Variants in ATP8A1 observed in about 807,000 individuals in gnomAD.
ATP8A1 encodes the protein phospholipid-transporting ATPase IA.
In ATP8A1, 90 loss-of-function variants were observed where a neutral mutation model predicts 177.7. The observed-to-expected ratio is 0.51, with a 90% CI of 0.43 to 0.60. The LOEUF (loss-of-function observed/expected upper bound fraction) is 0.60. ATP8A1 is among the 20% of genes least tolerant of loss of function. ATP8A1 has a pLI of 0.00. For synonymous variants in ATP8A1, 493 were observed against 485.9 expected, an observed-to-expected ratio of 1.01 and a Z score of -0.19; for missense variants, 1,072 against 1,392.8, an observed-to-expected ratio of 0.77 and a Z score of 3.67.
chr4:42,615,743 T>A (rs1736839944), intron 5 of ATP8A1, among the ~76,000 whole-genome samples: 1 of 152,246 alleles, frequency 6.6e-6, no homozygotes, highest in East Asian at 1.9e-4. Context: ...TTATAATATT[T>A]AACACTGTCA....
At chr4:42,419,044 CAAA>C (rs1476643605) in intron 35 of ATP8A1, among the ~76,000 whole-genome samples, 1 of 152,024 alleles carries the variant, frequency 6.6e-6, no homozygotes, top group Non-Finnish European at 1.5e-5. Context: ...CATTGTATGA[CAAA>C]AAAGTAAATG....
At chr4:42,504,900 G>A (rs1052625364) in intron 23 of ATP8A1, among the ~76,000 whole-genome samples, 1 of 152,140 alleles carries the variant, frequency 6.6e-6, no homozygotes, top group African/African-American at 2.4e-5. Flanking sequence ...TTATTTTTGT[G>A]CTGTTTCTCT....
chr4:42,544,664 G>A (rs939677182), intron 19 of ATP8A1, among the ~76,000 whole-genome samples: 4 of 152,178 alleles, frequency 2.6e-5, no homozygotes, highest in Admixed American at 6.5e-5. Flanking sequence ...AAGAAACTGC[G>A]ACAGCATTAC....
rs1476965013 is a variant in ATP8A1 at position 42,452,062 on chromosome 4, G to A, written c.2818-3C>T. The A allele has an allele frequency of 1.9e-6, 3 of 1,610,378 alleles. No individual in the cohort carries two copies. The highest frequency in any genetic ancestry group is 2.2e-5 in the South Asian group (2 of 90,578). ...TTTAAACAATGAACCCAGAAAACCT[G>A]AGGGAAAACAAAAATCCATGAGAAC... On this transcript the variant is annotated splice_region_variant and splice_polypyrimidine_tract_variant and intron_variant, in intron 29 of 36. Coordinates refer to ENST00000381668, the MANE Select transcript of ATP8A1 (RefSeq NM_006095.2).
intron 24 of ATP8A1, among the ~76,000 whole-genome samples, chr4:42,490,685 T>G (rs1722660911): frequency 6.6e-6 from 1 of 152,186 alleles, no homozygotes; most frequent in Non-Finnish European, 1.5e-5. Context: ...TTCTCCCCAT[T>G]GGCACTATTT....
chr4:42,615,980 T>C (rs375454343), intron 5 of ATP8A1, 53 bp downstream of exon 5: 171 of 1,505,386 alleles, frequency 1.1e-4, no homozygotes, highest in Non-Finnish European at 1.5e-4. Flanking sequence ...AGTGTTTGTA[T>C]ATACTACAAG....
intron 21 of ATP8A1, among the ~76,000 whole-genome samples, chr4:42,523,191 G>A (rs1726320852): frequency 6.6e-6 from 1 of 152,176 alleles, no homozygotes; most frequent in Non-Finnish European, 1.5e-5. Flanking sequence ...CCCACCCTGT[G>A]TCTGGTGCCT....
At chr4:42,556,106 T>G (rs1357650832) in intron 15 of ATP8A1, 66 bp from the exon 16 acceptor site, 22 of 1,145,858 alleles carry the variant, frequency 1.9e-5, no homozygotes, top group Non-Finnish European at 2.8e-5. Flanking sequence ...TATTTGTTAA[T>G]GTACTTTATG....
At chr4:42,530,140 C>A (rs764720040) in intron 20 of ATP8A1, among the ~76,000 whole-genome samples, 2 of 152,172 alleles carry the variant, frequency 1.3e-5, no homozygotes, top group African/African-American at 4.8e-5. Context: ...CTGTCATTAC[C>A]CAATGGGCCC....
chr4:42,583,166 A>G (rs1021446873), intron 9 of ATP8A1, among the ~76,000 whole-genome samples: 7 of 28,550 alleles, frequency 2.5e-4, no homozygotes, highest in Non-Finnish European at 5.8e-4. Context: ...TTGGACATTC[A>G]GGAACTACAC....
chr4:42,483,667 T>C (rs192083955), intron 25 of ATP8A1, among the ~76,000 whole-genome samples: 1 of 152,324 alleles, frequency 6.6e-6, no homozygotes, highest in Non-Finnish European at 1.5e-5. Context: ...TTGACTCTGC[T>C]TTCTAGTTTT....
chr4:42,472,377 G>A, intron 25 of ATP8A1: 2 of 353,020 alleles, frequency 5.7e-6, no homozygotes, highest in South Asian at 2.5e-5. Flanking sequence ...AGTTTCCATT[G>A]TAAACAAAAA....
At chr4:42,644,072 A>C (rs1740281251) in intron 1 of ATP8A1, among the ~76,000 whole-genome samples, 2 of 152,368 alleles carry the variant, frequency 1.3e-5, no homozygotes, top group Middle Eastern at 3.4e-3. Context: ...TATTTGCTTC[A>C]ATGAATTTTT....
chr4:42,496,194 A>G (rs578131922), intron 24 of ATP8A1, among the ~76,000 whole-genome samples: 1 of 152,328 alleles, frequency 6.6e-6, no homozygotes, highest in African/African-American at 2.4e-5. Context: ...ATCTGTGTCC[A>G]GTCTGTGTTT....
chr4:42,590,698 G>A, intron 7 of ATP8A1, 113 bp downstream of exon 7: 1 of 907,104 alleles, frequency 1.1e-6, no homozygotes, highest in Non-Finnish European at 1.8e-6. Flanking sequence ...AGTATAAAAA[G>A]TTTGTGTTTT....
chr4:42,499,301 T>C (rs1486503378), intron 24 of ATP8A1, among the ~76,000 whole-genome samples: 1 of 152,200 alleles, frequency 6.6e-6, no homozygotes, highest in Non-Finnish European at 1.5e-5. Flanking sequence ...GTATAGTGTA[T>C]ATTTTCCCTT....
intron 5 of ATP8A1, among the ~76,000 whole-genome samples, chr4:42,607,725 A>G (rs1735940116): frequency 6.6e-6 from 1 of 152,040 alleles, no homozygotes; most frequent in South Asian, 2.1e-4. Context: ...TACATTTAGA[A>G]TGTGTTCAAG....
chr4:42,436,548 CT>C (rs1333897877), intron 33 of ATP8A1, among the ~76,000 whole-genome samples: 2 of 152,214 alleles, frequency 1.3e-5, no homozygotes, highest in African/African-American at 4.8e-5. Flanking sequence ...GGCCAGCTGC[CT>C]TTAGAACAGT....
chr4:42,586,269 A>G, intron 9 of ATP8A1, 80 bp downstream of exon 9: 2 of 1,502,320 alleles, frequency 1.3e-6, no homozygotes, highest in Non-Finnish European at 1.8e-6. Context: ...AGAAGATAAT[A>G]TGTATCCAGA....
Sources: gnomAD v4.1 joint callset for allele counts (sites outside exome capture counted in the v4.1 genomes callset) on GRCh38, gnomAD v4.1.1 for gene constraint, MANE v1.5 for transcripts, NCBI Gene and HGNC (gene_info 2026-07-23, HGNC 2026-07-21) for gene names.